Variants in GPC6 observed in about 807,000 individuals in gnomAD.
GPC6 encodes the protein glypican 6, also known as glypican-6.
GPC6 carries 14 observed loss-of-function variants against 55.2 expected under a neutral mutation model. The observed-to-expected ratio is 0.25, with a 90% CI of 0.17 to 0.40. The LOEUF is 0.40. Ranked by LOEUF, GPC6 falls within the 10% of genes least tolerant of loss-of-function variation. The probability of loss-of-function intolerance (pLI) is 1.00; values close to 1 mark genes in which losing one functional copy is unlikely to be tolerated. For missense variants in GPC6, 641 were observed against 708.5 expected (o/e 0.90, Z 1.08); for synonymous variants, 278 against 259.6 (o/e 1.07, Z -0.68).
chr13:93,968,139 T>C (rs901013817), intron 3 of GPC6, among the ~76,000 whole-genome samples: 2 of 152,178 alleles, frequency 1.3e-5, no homozygotes, highest in African/African-American at 4.8e-5. Flanking sequence ...TAGCTTTACT[T>C]TCTGGTGTAC....
At chr13:93,665,578 CAG>C (rs1207568279) in intron 2 of GPC6, among the ~76,000 whole-genome samples, 3 of 151,992 alleles carry the variant, frequency 2.0e-5, no homozygotes, top group South Asian at 2.1e-4. Context: ...TGAAAAGAGA[CAG>C]AAAGAGTTAA....
At chr13:93,509,914 C>CAGATGCAGA (rs1222578305) in intron 1 of GPC6, among the ~76,000 whole-genome samples, 3 of 152,184 alleles carry the variant, frequency 2.0e-5, no homozygotes, top group African/African-American at 4.8e-5. Flanking sequence ...GGCGCCTGTG[C>CAGATGCAGA]AGATGCAGAT....
At chr13:93,698,824 CCTT>C (rs1295970577) in intron 2 of GPC6, among the ~76,000 whole-genome samples, 2 of 151,944 alleles carry the variant, frequency 1.3e-5, no homozygotes, top group African/African-American at 4.8e-5. Flanking sequence ...CTTTCCTCCT[CCTT>C]CTTCCTTTTT....
At chr13:93,941,270 G>A (rs574222698) in intron 3 of GPC6, among the ~76,000 whole-genome samples, 4 of 152,200 alleles carry the variant, frequency 2.6e-5, no homozygotes, top group Non-Finnish European at 5.9e-5. Flanking sequence ...AAGCTGAAAA[G>A]TATATTATAA....
chr13:93,225,508 GTTT>G (rs66479937), upstream of GPC6, among the ~76,000 whole-genome samples: 46 of 151,158 alleles, frequency 3.0e-4, no homozygotes, highest in Middle Eastern at 3.4e-3. Flanking sequence ...GTTTTGTTTT[GTTT>G]TTTTTTTTTT....
At chr13:94,057,544 C>G (rs1884173031) in intron 4 of GPC6, among the ~76,000 whole-genome samples, 1 of 152,122 alleles carries the variant, frequency 6.6e-6, no homozygotes, top group African/African-American at 2.4e-5. Flanking sequence ...GAATAAAAAT[C>G]TCTATTTCTT....
chr13:94,370,880 CTTT>C (rs751492946), intron 6 of GPC6, among the ~76,000 whole-genome samples: 1 of 152,036 alleles, frequency 6.6e-6, no homozygotes, highest in African/African-American at 2.4e-5. Context: ...AAAAGATATT[CTTT>C]TTTATTTCTA....
chr13:93,397,107 G>C (rs1359246426), intron 1 of GPC6, among the ~76,000 whole-genome samples: 11 of 152,024 alleles, frequency 7.2e-5, no homozygotes, highest in Admixed American at 6.6e-4. Flanking sequence ...TGATGTGCTT[G>C]GGATAGATCC....
chr13:93,302,513 A>G (rs1313819698), intron 1 of GPC6, among the ~76,000 whole-genome samples: 1 of 152,204 alleles, frequency 6.6e-6, no homozygotes, highest in African/African-American at 2.4e-5. Flanking sequence ...TTGTTTGGGT[A>G]TAGTGTAAGT....
At chr13:93,224,615 C>T (rs1331554403), upstream of GPC6, among the ~76,000 whole-genome samples, 1 of 152,196 alleles carries the variant, frequency 6.6e-6, no homozygotes, top group Non-Finnish European at 1.5e-5. Context: ...GATGCCTGCT[C>T]CTCCATATGA....
intron 4 of GPC6, among the ~76,000 whole-genome samples, chr13:94,284,351 T>C (rs1274282986): frequency 6.6e-6 from 1 of 152,152 alleles, no homozygotes; most frequent in Non-Finnish European, 1.5e-5. Flanking sequence ...TCAAAAAATA[T>C]TGGAGGAGTT....
At chr13:93,770,366 C>T (rs1885252828) in intron 2 of GPC6, among the ~76,000 whole-genome samples, 1 of 152,040 alleles carries the variant, frequency 6.6e-6, no homozygotes, top group Admixed American at 6.6e-5. Flanking sequence ...TCTTTAGGTC[C>T]AAAGGTATTT....
chr13:94,204,368 T>C (rs913889713), intron 4 of GPC6, among the ~76,000 whole-genome samples: 2 of 152,184 alleles, frequency 1.3e-5, no homozygotes, highest in African/African-American at 4.8e-5. Context: ...ATTTTCCACA[T>C]TTTAGAGCTT....
At chr13:93,351,416 A>C (rs528762942) in intron 1 of GPC6, among the ~76,000 whole-genome samples, 10 of 152,212 alleles carry the variant, frequency 6.6e-5, no homozygotes, top group African/African-American at 1.9e-4. Flanking sequence ...TTTAGTTGTC[A>C]AAAAAGAGTC....
intron 2 of GPC6, among the ~76,000 whole-genome samples, chr13:93,727,242 T>G (rs1883676219): frequency 6.6e-6 from 1 of 152,188 alleles, no homozygotes; most frequent in African/African-American, 2.4e-5. Context: ...GCTCTTACCA[T>G]GTAAAGTTGA....
At chr13:93,776,082 G>A (rs1335500709) in intron 2 of GPC6, among the ~76,000 whole-genome samples, 1 of 71,944 alleles carries the variant, frequency 1.4e-5, no homozygotes, top group African/African-American at 5.4e-5. Context: ...GGGTGGGGGG[G>A]TGGTGTACAT....
At chr13:93,810,298 A>G (rs937314117) in intron 2 of GPC6, among the ~76,000 whole-genome samples, 1 of 152,218 alleles carries the variant, frequency 6.6e-6, no homozygotes, top group Non-Finnish European at 1.5e-5. Context: ...CCACCTTTCT[A>G]TCACTTTTCT....
At chr13:93,691,670 A>G (rs904543251) in intron 2 of GPC6, among the ~76,000 whole-genome samples, 5 of 152,122 alleles carry the variant, frequency 3.3e-5, no homozygotes, top group Admixed American at 1.3e-4. Flanking sequence ...TTATTACATT[A>G]TACAACTCTT....
intron 1 of GPC6, among the ~76,000 whole-genome samples, chr13:93,359,504 A>G (rs540688280): frequency 7.2e-5 from 11 of 152,274 alleles, no homozygotes; most frequent in Admixed American, 7.2e-4. Flanking sequence ...TTATATATGT[A>G]TATGTGTTTA....
Sources: gnomAD v4.1 joint callset for allele counts (sites outside exome capture counted in the v4.1 genomes callset) on GRCh38, gnomAD v4.1.1 for gene constraint, MANE v1.5 for transcripts, NCBI Gene and HGNC (gene_info 2026-07-23, HGNC 2026-07-21) for gene names.